Variants in INPP5A observed in about 807,000 individuals in gnomAD.
The protein encoded by INPP5A is 43 kDa inositol polyphosphate 5-phophatase.
In INPP5A, 14 loss-of-function variants were observed where a neutral mutation model predicts 65.2. The ratio of observed to expected loss-of-function variants is 0.21; its 90% CI spans 0.14 to 0.34. The LOEUF (loss-of-function observed/expected upper bound fraction) is 0.34, where lower values mean the gene tolerates loss of function less well. Among genes scored for constraint, INPP5A ranks in the 10% least tolerant of loss-of-function variants. INPP5A has a pLI of 1.00. For missense variants in INPP5A, 431 were observed against 545.6 expected (o/e 0.79, Z 2.09); for synonymous variants, 207 against 208.3 (o/e 0.99, Z 0.05).
Position 132,637,842 on chromosome 10 carries a change from G to A in INPP5A, c.118-8026G>A, listed in dbSNP as rs2072377381. 6.6e-6 allele frequency among the ~76,000 whole-genome samples: 1 copy of A among 152,142 alleles called. No individual in the cohort carries two copies. The highest frequency in any genetic ancestry group is 2.4e-5 in the African/African-American group (1 of 41,432). On this transcript the variant is annotated intron_variant, in intron 2 of 15. Transcript: ENST00000368594. The surrounding 1 kb of genome is among the most constrained non-coding windows in gnomAD (Gnocchi z 4.1). Reference sequence around the variant, plus strand: ...GCAATGTGGGCTCCCGTCCTGTTCTGCCTCACGGTCGTTTTCCTCAGGTCG... The same window carrying A: ...GCAATGTGGGCTCCCGTCCTGTTCTACCTCACGGTCGTTTTCCTCAGGTCG...
intron 11 of INPP5A, among the ~76,000 whole-genome samples, chr10:132,756,608 C>T (rs1846623387): frequency 6.6e-6 from 1 of 152,228 alleles, no homozygotes; most frequent in Non-Finnish European, 1.5e-5. Flanking sequence ...GAGAGTCTGG[C>T]ACACTCAGGG....
chr10:132,619,404 GC>G (rs1191668604), intron 2 of INPP5A, among the ~76,000 whole-genome samples: 17 of 152,290 alleles, frequency 1.1e-4, no homozygotes, highest in Middle Eastern at 6.8e-3. Flanking sequence ...GACCAGCTCT[GC>G]CCCTGTGGCT....
intron 8 of INPP5A, among the ~76,000 whole-genome samples, chr10:132,721,629 C>T (rs1000315592): frequency 3.3e-5 from 5 of 150,782 alleles, no homozygotes; most frequent in African/African-American, 1.2e-4. Context: ...CCTTAGACAG[C>T]TGTCTTCAGG....
intron 11 of INPP5A, among the ~76,000 whole-genome samples, chr10:132,755,906 G>A (rs768494890): frequency 3.9e-5 from 6 of 152,146 alleles, no homozygotes; most frequent in South Asian, 2.1e-4. Flanking sequence ...AGCCATACAC[G>A]TATCCAGACA....
intron 2 of INPP5A, among the ~76,000 whole-genome samples, chr10:132,628,575 A>G (rs1212594776): frequency 1.3e-5 from 2 of 150,616 alleles, no homozygotes; most frequent in African/African-American, 2.4e-5. Flanking sequence ...AGGAATTTGT[A>G]GAGGCAAAGA....
chr10:132,774,011 C>T (rs1591004926), intron 12 of INPP5A, among the ~76,000 whole-genome samples: 1 of 152,268 alleles, frequency 6.6e-6, no homozygotes, highest in Non-Finnish European at 1.5e-5. Flanking sequence ...ATCCTCCCGC[C>T]TCAGCTTCTC....
rs571819531 is a variant in INPP5A at position 132,643,781 on chromosome 10, C to T, written c.118-2087C>T. The stretch of plus-strand genomic sequence containing the variant: ...GCGTCGGTTCCTGTGCCCAGCCCTG[C>T]GCCACTATGCCCACAGCATCCATCA... On this transcript the variant is annotated intron_variant, in intron 2 of 15. Transcript: ENST00000368594. Among the ~76,000 whole-genome samples, 12 of 152,292 alleles carry T rather than the reference C, an allele frequency of 7.9e-5. No homozygotes were observed. In the South Asian group the frequency reaches 1.2e-3, roughly 16 times the overall value.
rs1157182320 is a variant in INPP5A, at chr10:132,607,050, T to G, written c.76-865T>G. 4.6e-5 allele frequency among the ~76,000 whole-genome samples: 7 copies of G among 152,316 alleles called. No individual in the cohort carries two copies. In the East Asian group the frequency reaches 1.4e-3, roughly 29 times the overall value. On this transcript the variant is annotated intron_variant, in intron 1 of 15. Coordinates refer to ENST00000368594, the MANE Select transcript of INPP5A (RefSeq NM_005539.5). Reference sequence around the variant, plus strand: ...CTGAGCGTGGGCGGCTTGTGCTGAGTGCTCGCGCTCAGCCTCGTCCGCGGT... The same window carrying G: ...CTGAGCGTGGGCGGCTTGTGCTGAGGGCTCGCGCTCAGCCTCGTCCGCGGT...
chr10:132,552,755 G>C (rs1365727002), intron 1 of INPP5A, among the ~76,000 whole-genome samples: 2 of 139,782 alleles, frequency 1.4e-5, no homozygotes, highest in Non-Finnish European at 3.1e-5. Context: ...ATTGGTGAAC[G>C]CCTTCTCAGA....
intron 4 of INPP5A, among the ~76,000 whole-genome samples, chr10:132,682,129 A>T (rs1051276202): frequency 2.6e-5 from 4 of 152,056 alleles, no homozygotes; most frequent in African/African-American, 9.7e-5. Context: ...AGCGTCCTGG[A>T]GGTGGGAAGG....
At chr10:132,728,575 C>T (rs766886833) in intron 9 of INPP5A, among the ~76,000 whole-genome samples, 2 of 152,234 alleles carry the variant, frequency 1.3e-5, no homozygotes, top group African/African-American at 2.4e-5. Context: ...TCATTTCTAA[C>T]CTGTTACTCG....
At chr10:132,592,792 T>A (rs2133316467) in intron 1 of INPP5A, among the ~76,000 whole-genome samples, 1 of 152,370 alleles carries the variant, frequency 6.6e-6, no homozygotes, top group African/African-American at 2.4e-5. Flanking sequence ...CTTTCTGTGC[T>A]GTGTAACAGG....
intron 11 of INPP5A, chr10:132,754,116 C>T (rs997698171): frequency 2.0e-5 from 3 of 152,212 alleles, no homozygotes; most frequent in Non-Finnish European, 4.4e-5. Flanking sequence ...CTTCTCAGAA[C>T]CAGTGGCTGA....
chr10:132,691,399 C>G (rs2134486512), intron 5 of INPP5A, among the ~76,000 whole-genome samples: 2 of 152,348 alleles, frequency 1.3e-5, no homozygotes, highest in Middle Eastern at 6.8e-3. Context: ...GTTTTGGAGA[C>G]ACGGCGTCTG....
At chr10:132,558,070 T>A (rs779109426) in intron 1 of INPP5A, among the ~76,000 whole-genome samples, 3 of 152,218 alleles carry the variant, frequency 2.0e-5, no homozygotes, top group Non-Finnish European at 4.4e-5. Flanking sequence ...AACCTAAACA[T>A]GGCCACCGTG....
At chr10:132,608,472 T>C (rs1421946451) in intron 2 of INPP5A, among the ~76,000 whole-genome samples, 1 of 152,246 alleles carries the variant, frequency 6.6e-6, no homozygotes, top group East Asian at 1.9e-4. Flanking sequence ...GGTACTGTGC[T>C]GTGCTCTGGT....
intron 1 of INPP5A, among the ~76,000 whole-genome samples, chr10:132,556,240 C>CAGCA (rs1238603558): frequency 1.3e-5 from 2 of 152,178 alleles, no homozygotes; most frequent in African/African-American, 4.8e-5. Flanking sequence ...TGAGGTCATG[C>CAGCA]AGCATTTTAA....
At chr10:132,623,730 A>G (rs1032344616) in intron 2 of INPP5A, among the ~76,000 whole-genome samples, 1 of 152,234 alleles carries the variant, frequency 6.6e-6, no homozygotes, top group African/African-American at 2.4e-5. Flanking sequence ...ATTGGAGGAA[A>G]ATATTTGCAA....
chr10:132,625,103 C>T (rs892232965), intron 2 of INPP5A, among the ~76,000 whole-genome samples: 3 of 127,796 alleles, frequency 2.3e-5, no homozygotes, highest in Admixed American at 1.6e-4. Context: ...CCCCTTCCCT[C>T]TCTCCCTCCC....
Sources: allele counts gnomAD v4.1 joint callset (sites outside exome capture counted in the v4.1 genomes callset), GRCh38; gene constraint gnomAD v4.1.1; non-coding constraint Gnocchi (gnomAD v3.1); transcripts MANE v1.5; gene names NCBI Gene and HGNC (gene_info 2026-07-23, HGNC 2026-07-21).